Variants in APOBEC4 observed in about 807,000 individuals in gnomAD.
APOBEC4 encodes putative deaminase APOBEC-4.
For missense variants in APOBEC4, 375 were observed against 441.2 expected, an observed-to-expected ratio of 0.85 and a Z score of 1.34; for synonymous variants, 141 against 154.2, an observed-to-expected ratio of 0.91 and a Z score of 0.63.
At chr1:183,651,179 C>G (rs887602077) in intron 1 of APOBEC4, among the ~76,000 whole-genome samples, 1 of 152,062 alleles carries the variant, frequency 6.6e-6, no homozygotes, top group African/African-American at 2.4e-5. Flanking sequence ...AAATGCCTTC[C>G]TCATCAAAGC....
At chr1:183,649,707 A>T (rs943011464) in intron 1 of APOBEC4, among the ~76,000 whole-genome samples, 6 of 152,222 alleles carry the variant, frequency 3.9e-5, no homozygotes, top group African/African-American at 1.4e-4. Context: ...TCAAATTAGT[A>T]GTTTCTGGGA....
At chr1:183,651,435 C>T (rs1323281345) in intron 1 of APOBEC4, among the ~76,000 whole-genome samples, 2 of 152,196 alleles carry the variant, frequency 1.3e-5, no homozygotes, top group Non-Finnish European at 2.9e-5. Flanking sequence ...TTCCTCAGCC[C>T]ACATCAGCTC....
chr1:183,648,395 T>G lies in APOBEC4; in HGVS notation c.387A>C (p.Glu129Asp). The change falls in exon 2 of 2, where the codon GAA (glutamate) becomes GAC (aspartate). Residue 129 changes from glutamate to aspartate, a missense_variant. By Grantham distance (45) the Glu-to-Asp change is conservative. Transcript: ENST00000308641. Reference protein sequence around the residue: ...ILYSNNSPCNEANHCCISKMY... With the variant: ...ILYSNNSPCNDANHCCISKMY... ...TTTTGCTGATGCAGCAGTGGTTAGC[T>G]TCATTACAAGGGGAGTTGTTGGAAT... 2 of 1,614,200 alleles carry G rather than the reference T, an allele frequency of 1.2e-6. No homozygotes were observed. The highest frequency in any genetic ancestry group is 1.7e-6 in the Non-Finnish European group (2 of 1,180,040).
Position 183,647,688 on chromosome 1 carries a change from CCTTT to C in APOBEC4, c.1090_1093del (p.Lys364GlyfsTer11), listed in dbSNP as rs747472682. The C allele has an allele frequency of 6.3e-7, 1 of 1,596,272 alleles. No homozygotes were observed. The highest frequency in any genetic ancestry group is 2.2e-5 in the East Asian group (1 of 44,530). On this transcript the variant is annotated frameshift_variant, in exon 2 of 2. Transcript: ENST00000308641. LOFTEE classifies it high-confidence loss of function. ...GTAGGAATGTAGATTTTATTTCTTC[CCTTT>C]CTTCTTCTTCTTTTCATCTGCCTCC...
intron 1 of APOBEC4, among the ~76,000 whole-genome samples, chr1:183,650,432 A>G (rs1489570820): frequency 6.6e-6 from 1 of 151,920 alleles, no homozygotes; most frequent in Non-Finnish European, 1.5e-5. Context: ...AGTCCCAGTT[A>G]CTCGGGAGGC....
Position 183,648,016 on chromosome 1 carries a change from CCTGAG to C in APOBEC4, c.761_765del (p.Ala254GlyfsTer57), listed in dbSNP as rs773914810. ...TTTAAGGGGTAGCTCTCTAAAGCCT[CCTGAG>C]CTTTTGTGTTTGGATTCCTTTTTGT... On this transcript the variant is annotated frameshift_variant, in exon 2 of 2. Transcript: ENST00000308641. LOFTEE classifies it low-confidence loss of function (END_TRUNC). The C allele has an allele frequency of 1.2e-6, 2 of 1,614,064 alleles. No individual in the cohort carries two copies. Among genetic ancestry groups the C allele is most frequent in the African/African-American group, 2.7e-5 (2 of 74,924 alleles).
At position 183,648,656 on chromosome 1, in the gene APOBEC4, T is replaced by G; in HGVS notation, c.126A>C (p.Arg42Ser). Residue 42 changes from arginine to serine, a missense_variant, in exon 2 of 2, where the codon AGA becomes AGC. Arg to Ser is a moderately radical substitution (Grantham distance 110). Coordinates refer to ENST00000308641, the MANE Select transcript of APOBEC4 (RefSeq NM_203454.3). ...TCTGACAAAATTCTGTGAGGGAAAC[T>G]CTTGCTTCTTCACCTGTTCGAATAT... The part of the protein sequence containing the change: ...PYHIRTGEEA[R>S]VSLTEFCQIF... 1 of 1,614,212 alleles carries G rather than the reference T, an allele frequency of 6.2e-7. No homozygotes were observed. The highest frequency in any genetic ancestry group is 8.5e-7 in the Non-Finnish European group (1 of 1,180,034).
In APOBEC4 at chr1:183,647,160, C is replaced by G. The variant is rs1650349419; in HGVS notation, c.*518G>C. 6.5e-6 allele frequency: 1 copy of G among 152,790 alleles called. No homozygotes were observed. The highest frequency in any genetic ancestry group is 2.4e-5 in the African/African-American group (1 of 41,430). The allele number at this position is 152,790 out of a possible 1,614,324, so 9.5% of individuals were successfully genotyped here. A position where few individuals can be genotyped will look rare whatever the true frequency, so the allele number is the denominator to read the frequency against. On this transcript the variant is annotated 3_prime_UTR_variant, in exon 2 of 2. Transcript: ENST00000308641. ...ATCAGCAGAAGAGCTTTTTCCCACA[C>G]AAAACTATTTTGAATCACTTTAGAA...
chr1:183,651,228 G>T (rs1174659), intron 1 of APOBEC4, among the ~76,000 whole-genome samples: 45,653 of 151,826 alleles, frequency 0.3, 7,269 homozygotes, highest in Middle Eastern at 0.38. Flanking sequence ...TAGTATTTAT[G>T]GTTTCATTTT....
Position 183,648,304 on chromosome 1 carries a change from T to C in APOBEC4, c.478A>G (p.Thr160Ala), listed in dbSNP as rs755497122. The C allele has an allele frequency of 2.5e-6, 4 of 1,614,156 alleles. No homozygotes were observed. In the Admixed American group the frequency reaches 6.7e-5, roughly 27 times the overall value. ...GCTGAGGCAGGAAAGTCCATCTCAG[T>C]ATGATAGAGCTGAGAAAAATAAATA... Reference protein sequence around the residue: ...LSIYFSQLYHTEMDFPASAWN... With the variant: ...LSIYFSQLYHAEMDFPASAWN... The change falls in exon 2 of 2, where the codon ACT becomes GCT. Residue 160 changes from threonine to alanine, a missense_variant. Physicochemically the swap from Thr to Ala is moderately conservative, Grantham distance 58. Coordinates refer to ENST00000308641, the MANE Select transcript of APOBEC4 (RefSeq NM_203454.3).
At chr1:183,651,146 AT>A (rs900391223) in intron 1 of APOBEC4, among the ~76,000 whole-genome samples, 3 of 151,884 alleles carry the variant, frequency 2.0e-5, no homozygotes, top group Non-Finnish European at 4.4e-5. Flanking sequence ...TACTCCTGTG[AT>A]TTTTTTTCTT....
At chr1:183,648,857 C>G in intron 1 of APOBEC4, 46 bp from the exon 2 acceptor site, 1 of 1,193,200 alleles carries the variant, frequency 8.4e-7, no homozygotes, top group Non-Finnish European at 1.2e-6. Context: ...GCAGGAAAAA[C>G]TGAAGACAGT....
chr1:183,648,080 G>T lies in APOBEC4; in HGVS notation c.702C>A (p.Gly234=), dbSNP rs576673661. ...GAACATCAGTGAAGTAAGGTTTTAC[G>T]CCTGTTATGGCATTGATTTCATATG... ...HNAYEINAIT[G]VKPYFTDVLL... Residue 234 remains glycine, a synonymous_variant, in exon 2 of 2, where the codon GGC becomes GGA. Transcript: ENST00000308641. 1.2e-6 allele frequency: 2 copies of T among 1,614,204 alleles called. No homozygotes were observed. Among genetic ancestry groups the T allele is most frequent in the Non-Finnish European group, 1.7e-6 (2 of 1,180,036 alleles).
intron 1 of APOBEC4, among the ~76,000 whole-genome samples, chr1:183,652,015 C>T (rs1397449763): frequency 1.3e-5 from 2 of 152,196 alleles, no homozygotes; most frequent in East Asian, 1.9e-4. Context: ...CAGGTTACTG[C>T]TCAGATTACA....
chr1:183,652,111 T>G (rs1650801590), intron 1 of APOBEC4, among the ~76,000 whole-genome samples: 1 of 152,250 alleles, frequency 6.6e-6, no homozygotes, highest in Non-Finnish European at 1.5e-5. Flanking sequence ...CTGTCTTTAT[T>G]ACTATTTCTT....
chr1:183,648,018 T>C lies in APOBEC4; in HGVS notation c.764A>G (p.Gln255Arg), dbSNP rs1650430814. The stretch of plus-strand genomic sequence containing the variant: ...TAAGGGGTAGCTCTCTAAAGCCTCC[T>C]GAGCTTTTGTGTTTGGATTCCTTTT... ...QTKRNPNTKAQEALESYPLNN... is the reference protein window; with the variant it reads ...QTKRNPNTKAREALESYPLNN... Residue 255 changes from glutamine to arginine, a missense_variant, in exon 2 of 2, where the codon CAG (glutamine) becomes CGG (arginine). Gln to Arg is a conservative substitution (Grantham distance 43). Coordinates refer to ENST00000308641, the MANE Select transcript of APOBEC4 (RefSeq NM_203454.3). 27 of 1,614,232 alleles carry C rather than the reference T, an allele frequency of 1.7e-5. No homozygotes were observed. Among genetic ancestry groups the C allele is most frequent in the Non-Finnish European group, 2.1e-5 (25 of 1,180,038 alleles).
At chr1:183,648,868 G>T in intron 1 of APOBEC4, 57 bp from the exon 2 acceptor site, 1 of 1,051,982 alleles carries the variant, frequency 9.5e-7, no homozygotes, top group Non-Finnish European at 1.4e-6. Context: ...TGAAGACAGT[G>T]CATTAATTTA....
At position 183,648,125 on chromosome 1, in the gene APOBEC4, T is replaced by C. The variant is rs1650440381; in HGVS notation, c.657A>G (p.Ala219=). ...HVFQPILTGR[A]LADRHNAYEI... ...CATATGCGTTGTGCCTGTCAGCCAG[T>C]GCTCTCCCAGTTAAAATGGGCTGAA... Residue 219 remains alanine (A), a synonymous_variant, in exon 2 of 2, where the codon GCA becomes GCG. Coordinates refer to ENST00000308641, the MANE Select transcript of APOBEC4 (RefSeq NM_203454.3). 8 of 1,614,126 alleles carry C rather than the reference T, an allele frequency of 5.0e-6. No individual in the cohort carries two copies. The highest frequency in any genetic ancestry group is 6.8e-6 in the Non-Finnish European group (8 of 1,180,058).
At chr1:183,652,560 A>C (rs934279559) in intron 1 of APOBEC4, among the ~76,000 whole-genome samples, 2 of 152,018 alleles carry the variant, frequency 1.3e-5, no homozygotes, top group African/African-American at 4.8e-5. Flanking sequence ...TATCGACCAC[A>C]GATTATCTTG....
Sources: gnomAD v4.1 joint callset for allele counts (sites outside exome capture counted in the v4.1 genomes callset) on GRCh38, gnomAD v4.1.1 for gene constraint, MANE v1.5 for transcripts, NCBI Gene and HGNC (gene_info 2026-07-23, HGNC 2026-07-21) for gene names.